FGF12: variants seen among roughly 807,000 people sequenced by gnomAD.
FGF12 encodes fibroblast growth factor 12, also known as fibroblast growth factor 12B.
FGF12 carries 14 observed loss-of-function variants against 23.6 expected under a neutral mutation model. The ratio of observed to expected loss-of-function variants is 0.59; its 90% CI spans 0.39 to 0.93. The LOEUF (loss-of-function observed/expected upper bound fraction) is 0.93, where lower values mean the gene tolerates loss of function less well. Among genes scored for constraint, FGF12 ranks in the 40% least tolerant of loss-of-function variants. FGF12 has a pLI of 0.00. For missense variants in FGF12, 175 were observed against 217.8 expected (o/e 0.80, Z 1.24); for synonymous variants, 62 against 77.3 (o/e 0.80, Z 1.04).
chr3:192,173,860 A>G (rs935648677), intron 4 of FGF12, among the ~76,000 whole-genome samples: 2 of 152,210 alleles, frequency 1.3e-5, no homozygotes, highest in Non-Finnish European at 2.9e-5. Context: ...GAAACATGTA[A>G]ATTTGAAGAT....
At chr3:192,607,287 G>T (rs1340798006) in intron 2 of FGF12, among the ~76,000 whole-genome samples, 2 of 152,150 alleles carry the variant, frequency 1.3e-5, no homozygotes, top group Non-Finnish European at 2.9e-5. Flanking sequence ...AGCAGTATCA[G>T]AAAGCCGTTC....
intron 2 of FGF12, among the ~76,000 whole-genome samples, chr3:192,419,254 A>G (rs1721447757): frequency 6.6e-6 from 1 of 152,166 alleles, no homozygotes; most frequent in South Asian, 2.1e-4. Flanking sequence ...AGGGCCACCC[A>G]CAGTCTAAGT....
chr3:192,335,307 C>CAA (rs1302451682), intron 4 of FGF12, 54 bp downstream of exon 4: 2 of 1,155,898 alleles, frequency 1.7e-6, no homozygotes, highest in African/African-American at 3.1e-5. Flanking sequence ...ACTCCATTAC[C>CAA]TCTCAGTGGT....
At chr3:192,524,512 G>C (rs572876084) in intron 2 of FGF12, among the ~76,000 whole-genome samples, 44 of 152,280 alleles carry the variant, frequency 2.9e-4, no homozygotes, top group African/African-American at 1.0e-3. Flanking sequence ...GGAGAAAAAG[G>C]GTTAACTGGA....
intron 4 of FGF12, among the ~76,000 whole-genome samples, chr3:192,269,708 T>A (rs1311600192): frequency 1.3e-5 from 2 of 152,218 alleles, no homozygotes; most frequent in East Asian, 3.9e-4. Flanking sequence ...TAACTCTTAA[T>A]GGCCACACAA....
At chr3:192,262,223 G>A (rs571802741) in intron 4 of FGF12, among the ~76,000 whole-genome samples, 8 of 152,198 alleles carry the variant, frequency 5.3e-5, no homozygotes, top group African/African-American at 9.6e-5. Context: ...CATTTGTTTC[G>A]TACAAGTATG....
intron 2 of FGF12, among the ~76,000 whole-genome samples, chr3:192,374,079 G>A (rs908193897): frequency 1.3e-5 from 2 of 152,214 alleles, no homozygotes; most frequent in African/African-American, 4.8e-5. Context: ...AATTTTTAAA[G>A]GGCACACGTT....
At chr3:192,521,848 T>C (rs986519637) in intron 2 of FGF12, among the ~76,000 whole-genome samples, 3 of 152,202 alleles carry the variant, frequency 2.0e-5, no homozygotes, top group Non-Finnish European at 4.4e-5. Context: ...CTCCAAATTT[T>C]GGTGTTCATG....
chr3:192,501,263 A>G (rs970891487), intron 2 of FGF12, among the ~76,000 whole-genome samples: 1 of 152,208 alleles, frequency 6.6e-6, no homozygotes, highest in East Asian at 1.9e-4. Context: ...TTTTAATTGT[A>G]TCACTAATAT....
intron 2 of FGF12, among the ~76,000 whole-genome samples, chr3:192,518,098 A>C (rs1175242253): frequency 2.6e-5 from 4 of 152,170 alleles, no homozygotes; most frequent in Non-Finnish European, 5.9e-5. Context: ...TTTACTGGCA[A>C]TAATATTTTT....
intron 2 of FGF12, among the ~76,000 whole-genome samples, chr3:192,484,189 G>A (rs1207058379): frequency 6.6e-6 from 1 of 151,940 alleles, no homozygotes; most frequent in Non-Finnish European, 1.5e-5. Flanking sequence ...TACTGTTAAA[G>A]CCAGTGTTTT....
At chr3:192,378,092 T>TTCTTTCTC (rs1719643182) in intron 2 of FGF12, among the ~76,000 whole-genome samples, 1 of 117,978 alleles carries the variant, frequency 8.5e-6, no homozygotes, top group Non-Finnish European at 1.7e-5. Context: ...CTTTCTTTCT[T>TTCTTTCTC]TCTTCTTTCT....
rs1159344915 is a variant in FGF12 at position 192,408,536 on chromosome 3, C to G, written c.14-47998G>C. Reference sequence around the variant, plus strand: ...CCCCAAACTTGCACCCCAAGGCGATCGGCGTCCAAGGGGCAGTGGGGAGTT... The same window carrying G: ...CCCCAAACTTGCACCCCAAGGCGATGGGCGTCCAAGGGGCAGTGGGGAGTT... On this transcript the variant is annotated intron_variant, in intron 2 of 5. Coordinates refer to ENST00000445105, the MANE Select transcript of FGF12 (RefSeq NM_004113.6). The surrounding 1 kb of genome is among the most constrained non-coding windows in gnomAD (Gnocchi z 7.3). 8.5e-7 allele frequency: 1 copy of G among 1,178,208 alleles called. No individual in the cohort carries two copies. The highest frequency in any genetic ancestry group is 4.3e-5 in the Admixed American group (1 of 23,308). 73.0% of individuals were successfully genotyped at this position (1,178,208 alleles called of 1,614,324 possible). A position where few individuals can be genotyped will look rare whatever the true frequency, so the allele number is the denominator to read the frequency against.
intron 3 of FGF12, among the ~76,000 whole-genome samples, chr3:192,345,681 C>A (rs1243190795): frequency 8.2e-5 from 3 of 36,726 alleles, no homozygotes; most frequent in Non-Finnish European, 1.1e-4. Flanking sequence ...AGCGAGACTC[C>A]GTCTCAAAAA....
At chr3:192,151,960 G>A (rs1448067268) in intron 5 of FGF12, among the ~76,000 whole-genome samples, 3 of 31,216 alleles carry the variant, frequency 9.6e-5, no homozygotes, top group African/African-American at 3.1e-4. Flanking sequence ...ACTCTTTTTG[G>A]TTGGTAAACT....
rs189184077 is a variant in FGF12 at position 192,192,540 on chromosome 3, A to C, written c.229-21884T>G. Among the ~76,000 whole-genome samples the C allele has an allele frequency of 2.2e-3, 329 of 150,064 alleles. 1 individual carries two copies. The highest frequency in any genetic ancestry group is 4.2e-3 in the Non-Finnish European group (283 of 67,596). The stretch of plus-strand genomic sequence containing the variant: ...ATATATACACACACAGTGGGGCAGG[A>C]AACAAGACAGATCTTCGCACTTGAA... On this transcript the variant is annotated intron_variant, in intron 4 of 5. Transcript: ENST00000445105.
intron 2 of FGF12, among the ~76,000 whole-genome samples, chr3:192,433,647 G>A (rs930416266): frequency 1.3e-5 from 2 of 152,182 alleles, no homozygotes. Flanking sequence ...GTTAAGAATT[G>A]TTAAATTCAG....
intron 5 of FGF12, among the ~76,000 whole-genome samples, chr3:192,169,092 G>A (rs1477718536): frequency 6.6e-6 from 1 of 152,182 alleles, no homozygotes; most frequent in Non-Finnish European, 1.5e-5. Context: ...TGTAATCCCA[G>A]CACTTTGGGA....
intron 2 of FGF12, among the ~76,000 whole-genome samples, chr3:192,472,263 G>A (rs748164818): frequency 3.3e-5 from 5 of 151,950 alleles, no homozygotes; most frequent in Admixed American, 1.3e-4. Context: ...GGATCTGCCC[G>A]CCGCGGCCTC....
Sources: gnomAD v4.1 joint callset for allele counts (sites outside exome capture counted in the v4.1 genomes callset) on GRCh38, gnomAD v4.1.1 for gene constraint, Gnocchi (gnomAD v3.1) non-coding constraint, MANE v1.5 for transcripts, NCBI Gene and HGNC (gene_info 2026-07-23, HGNC 2026-07-21) for gene names.